RBFOX3: variants seen among roughly 807,000 people sequenced by gnomAD.
The protein encoded by RBFOX3 is RNA binding protein fox-1 homolog 3.
RBFOX3 carries 17 observed loss-of-function variants against 48.7 expected under a neutral mutation model. The ratio of observed to expected loss-of-function variants is 0.35; its 90% confidence interval spans 0.24 to 0.52. The LOEUF (loss-of-function observed/expected upper bound fraction) is 0.52, where lower values mean the gene tolerates loss of function less well. Ranked by LOEUF, RBFOX3 falls within the 20% of genes least tolerant of loss-of-function variation. The probability of loss-of-function intolerance (pLI) is 0.94; values close to 1 mark genes in which losing one functional copy is unlikely to be tolerated. For missense variants in RBFOX3, 382 were observed against 497.5 expected (o/e 0.77, Z 2.21); for synonymous variants, 212 against 209.5 (o/e 1.01, Z -0.10).
At chr17:79,268,305 C>A (rs571706409) in intron 3 of RBFOX3, among the ~76,000 whole-genome samples, 2 of 152,156 alleles carry the variant, frequency 1.3e-5, no homozygotes, top group Non-Finnish European at 1.5e-5. Context: ...GCCTCACCTC[C>A]CATTTCATTC....
chr17:79,200,507 A>G (rs1339901982), intron 4 of RBFOX3, among the ~76,000 whole-genome samples: 1 of 152,234 alleles, frequency 6.6e-6, no homozygotes, highest in African/African-American at 2.4e-5. Context: ...CAAGAGGGGC[A>G]GAGGTGCCGC....
At position 79,477,363 on chromosome 17, in the gene RBFOX3, T is replaced by C. The variant is rs377693898; in HGVS notation, c.-175+5091A>G. 4.4e-3 allele frequency among the ~76,000 whole-genome samples: 665 copies of C among 150,638 alleles called. 5 individuals carry two copies. The highest frequency in any genetic ancestry group is 0.013 in the East Asian group (65 of 5,128). ...CGAGGTCAGGAGATCGAGATCATCC[T>C]GGCTAACACGGTGAAACCCCGTCTC... is the stretch of plus-strand genomic sequence containing the variant. On this transcript the variant is annotated intron_variant, in intron 2 of 14. Coordinates refer to ENST00000693108, the MANE Select transcript of RBFOX3 (RefSeq NM_001350451.2). The surrounding 1 kb of genome is among the most constrained non-coding windows in gnomAD (Gnocchi z 4.8).
chr17:79,396,809 C>A (rs1568176840), intron 2 of RBFOX3, among the ~76,000 whole-genome samples: 1 of 152,234 alleles, frequency 6.6e-6, no homozygotes, highest in Non-Finnish European at 1.5e-5. Flanking sequence ...CCAGAATTCC[C>A]AGACAGCAAC....
intron 2 of RBFOX3, among the ~76,000 whole-genome samples, chr17:79,383,221 G>C (rs2060155890): frequency 6.6e-6 from 1 of 152,164 alleles, no homozygotes; most frequent in South Asian, 2.1e-4. Context: ...AGCCTGCCTG[G>C]GGGCTTCCAG....
intron 2 of RBFOX3, among the ~76,000 whole-genome samples, chr17:79,382,172 G>A (rs1174518789): frequency 1.3e-5 from 2 of 152,208 alleles, no homozygotes; most frequent in African/African-American, 4.8e-5. Context: ...TTTCTCTGGG[G>A]CTCTTGTGCC....
the RBFOX3 span, among the ~76,000 whole-genome samples, chr17:79,646,541 T>C: frequency 1.3e-5 from 2 of 152,270 alleles, no homozygotes; most frequent in East Asian, 1.9e-4. Context: ...AACTCACACT[T>C]ATAAAACCAT....
At position 79,483,757 on chromosome 17, in the gene RBFOX3, C is replaced by G. The variant is rs998316933; in HGVS notation, c.-319-1159G>C. Among the ~76,000 whole-genome samples the G allele has an allele frequency of 2.0e-5, 3 of 151,874 alleles. No individual in the cohort carries two copies. In the South Asian group the frequency reaches 6.2e-4, roughly 31 times the overall value. The stretch of plus-strand genomic sequence containing the variant: ...GTGCCTGGCACATAGCTGGGGCTCA[C>G]TCCGTATTCTTCTGAGTGGATAAGT... On this transcript the variant is annotated intron_variant, in intron 1 of 14. Transcript: ENST00000693108.
chr17:79,110,858 G>A (rs1423703892), intron 5 of RBFOX3, among the ~76,000 whole-genome samples: 1 of 152,224 alleles, frequency 6.6e-6, no homozygotes, highest in Non-Finnish European at 1.5e-5. Flanking sequence ...CCTGGGTAGG[G>A]GCATCTCAGC....
chr17:79,192,472 C>T (rs562314395), intron 4 of RBFOX3, among the ~76,000 whole-genome samples: 5 of 152,354 alleles, frequency 3.3e-5, no homozygotes, highest in South Asian at 4.1e-4. Context: ...GAGCCAGCCC[C>T]GCAATAGATC....
At chr17:79,474,349 G>C (rs1161692779) in intron 2 of RBFOX3, among the ~76,000 whole-genome samples, 2 of 152,228 alleles carry the variant, frequency 1.3e-5, no homozygotes, top group African/African-American at 2.4e-5. Context: ...GCAGTCACAA[G>C]TTCTGCAGTT....
At chr17:79,404,569 C>T (rs533330553) in intron 2 of RBFOX3, among the ~76,000 whole-genome samples, 7 of 152,324 alleles carry the variant, frequency 4.6e-5, no homozygotes, top group Non-Finnish European at 7.4e-5. Context: ...AGCCCCGGCG[C>T]CCTCTCCTCT....
intron 4 of RBFOX3, among the ~76,000 whole-genome samples, chr17:79,188,067 G>A (rs2053774886): frequency 6.6e-6 from 1 of 152,228 alleles, no homozygotes; most frequent in African/African-American, 2.4e-5. Flanking sequence ...CCGGCAGAGG[G>A]TCCCTGCAAG....
At chr17:79,412,340 CAT>C (rs1202907343) in intron 2 of RBFOX3, among the ~76,000 whole-genome samples, 1 of 150,958 alleles carries the variant, frequency 6.6e-6, no homozygotes, top group African/African-American at 2.5e-5. Flanking sequence ...TGTGTATGCA[CAT>C]GTTGTGATAT....
At chr17:79,462,900 A>G (rs1026613254) in intron 2 of RBFOX3, among the ~76,000 whole-genome samples, 3 of 152,304 alleles carry the variant, frequency 2.0e-5, no homozygotes, top group Admixed American at 6.5e-5. Flanking sequence ...GCCCAAGCCC[A>G]TTCCAAGGTG....
At chr17:79,398,265 G>C (rs1568179649) in intron 2 of RBFOX3, among the ~76,000 whole-genome samples, 2 of 152,166 alleles carry the variant, frequency 1.3e-5, no homozygotes, top group Admixed American at 1.3e-4. Flanking sequence ...CCAAGTATGG[G>C]AGCGTCCAGC....
At chr17:79,319,525 T>G (rs1303800870) in intron 2 of RBFOX3, among the ~76,000 whole-genome samples, 1 of 119,776 alleles carries the variant, frequency 8.3e-6, no homozygotes, top group Non-Finnish European at 1.9e-5. Flanking sequence ...CTGCTGGTCT[T>G]GTCTGGGCTG....
rs1418428707 is a variant in RBFOX3 at position 79,479,122 on chromosome 17, C to G, written c.-175+3332G>C. On this transcript the variant is annotated intron_variant, in intron 2 of 14. Transcript: ENST00000693108. This position sits in a 1 kb window ranked among gnomAD's most constrained non-coding sequence, Gnocchi z 5.1. ...TGCAGGCTTTTCCCTGCCCGGGTTT[C>G]TCCATCACTGTTCTCCAAGTCCCTC... Among the ~76,000 whole-genome samples the G allele has an allele frequency of 6.6e-6, 1 of 152,222 alleles. No homozygotes were observed. Among genetic ancestry groups the G allele is most frequent in the African/African-American group, 2.4e-5 (1 of 41,456 alleles).
chr17:79,510,911 C>A (rs1401920177), intron 1 of RBFOX3, among the ~76,000 whole-genome samples: 1 of 152,026 alleles, frequency 6.6e-6, no homozygotes, highest in Admixed American at 6.5e-5. Flanking sequence ...GCAGCAGCAT[C>A]CTAGGGAGAA....
At chr17:79,557,447 GC>G (rs2091865070) in intron 1 of RBFOX3, among the ~76,000 whole-genome samples, 2 of 146,862 alleles carry the variant, frequency 1.4e-5, no homozygotes, top group Admixed American at 1.4e-4. Flanking sequence ...TCACAGCCAA[GC>G]CCCCATCCCA....
Sources: allele counts gnomAD v4.1 joint callset (sites outside exome capture counted in the v4.1 genomes callset), GRCh38; gene constraint gnomAD v4.1.1; non-coding constraint Gnocchi (gnomAD v3.1); transcripts MANE v1.5; gene names NCBI Gene and HGNC (gene_info 2026-07-23, HGNC 2026-07-21).